DCHS1: variants seen among roughly 807,000 people sequenced by gnomAD.
DCHS1 encodes dachsous cadherin-related 1.
A neutral mutation model predicts 213.9 loss-of-function variants in DCHS1; 78 were observed. The ratio of observed to expected loss-of-function variants is 0.36; its 90% CI spans 0.30 to 0.44. The LOEUF (loss-of-function observed/expected upper bound fraction) is 0.44. DCHS1 is among the 20% of genes least tolerant of loss of function. The pLI is 1.00. For missense variants in DCHS1, 3,946 were observed against 4,395.9 expected, an observed-to-expected ratio of 0.90 and a Z score of 2.89; for synonymous variants, 1,828 against 1,873.7, an observed-to-expected ratio of 0.98 and a Z score of 0.63.
At position 6,622,398 on chromosome 11, in the gene DCHS1, C is replaced by T. The variant is rs753793379; in HGVS notation, c.9278G>A (p.Arg3093Gln). 70 of 1,556,826 alleles carry T rather than the reference C, an allele frequency of 4.5e-5. No homozygotes were observed. Among genetic ancestry groups the T allele is most frequent in the Non-Finnish European group, 5.6e-5 (64 of 1,149,428 alleles). The change falls in exon 21 of 21, where the codon CGA (arginine) becomes CAA (glutamine). Residue 3093 changes from arginine to glutamine, a missense_variant. Transcript: ENST00000299441. The surrounding 1 kb of genome is among the most constrained non-coding windows in gnomAD (Gnocchi z 5.4). ...ACCTGGCAGCAGCAGCCCTGCCTTT[C>T]GGCCCTTATACCAGGTGTCAGGGGC... ...PPAPDTWYKG[R>Q]KAGLLLPGAG...
chr11:6,629,594 T>TGGA lies in DCHS1; in HGVS notation c.5036-20_5036-18dup. The TGGA allele has an allele frequency of 6.2e-7, 1 of 1,613,560 alleles. No homozygotes were observed. On this transcript the variant is annotated splice_polypyrimidine_tract_variant and intron_variant, in intron 11 of 20. Coordinates refer to ENST00000299441, the MANE Select transcript of DCHS1 (RefSeq NM_003737.4). ...CGTTGGCCCCTGAGGAGGGGCAGCA[T>TGGA]GGAGGGCGATCAGAGGGTAAAAATG...
intron 2 of DCHS1, among the ~76,000 whole-genome samples, chr11:6,638,410 G>A (rs1856018365): frequency 6.6e-6 from 1 of 152,138 alleles, no homozygotes; most frequent in Admixed American, 6.5e-5. Context: ...TTGAATTTGT[G>A]ACCTGGCTCC....
At chr11:6,654,102 A>G (rs940999388) in intron 1 of DCHS1, among the ~76,000 whole-genome samples, 1 of 152,172 alleles carries the variant, frequency 6.6e-6, no homozygotes, top group Non-Finnish European at 1.5e-5. Context: ...TCAGGGAACA[A>G]GAGGGTATAC....
rs771413047 is a variant in DCHS1, at chr11:6,628,645, C to T, written c.5347G>A (p.Gly1783Arg). The change falls in exon 13 of 21, where the codon GGG (glycine) becomes AGG (arginine). Residue 1783 changes from glycine (G) to arginine (R), a missense_variant. Physicochemically the swap from Gly to Arg is moderately radical, Grantham distance 125. Around this residue, in one of 3 missense-constraint regions of DCHS1, gnomAD observed 3,384 missense variants for 3,780.1 expected, o/e 0.90. Transcript: ENST00000299441. This position sits in a 1 kb window ranked among gnomAD's most constrained non-coding sequence, Gnocchi z 4.3. ...CCTAGGATGCGGTACTGCAACTGCC[C>T]ATTGGCTCCCACATCTGGATCAGAG... Reference protein sequence around the residue: ...RASDPDVGANGQLQYRILDGD... With the variant: ...RASDPDVGANRQLQYRILDGD... 4 of 1,614,034 alleles carry T rather than the reference C, an allele frequency of 2.5e-6. No homozygotes were observed. The highest frequency in any genetic ancestry group is 3.4e-6 in the Non-Finnish European group (4 of 1,179,898).
Position 6,630,339 on chromosome 11 carries a change from C to A in DCHS1, c.4455G>T (p.Ala1485=), listed in dbSNP as rs1855880862. The change falls in exon 10 of 21, where the codon GCG becomes GCT. Residue 1485 remains alanine, a synonymous_variant. Transcript: ENST00000299441. The part of the protein sequence containing the change: ...RLLRQEPPVP[A]LRLDARTGAL... ...CCCCGGTGCGCGCGTCCAGGCGAAG[C>A]GCCGGCACGGGCGGCTCCTGGCGCA... 3 of 1,312,424 alleles carry A rather than the reference C, an allele frequency of 2.3e-6. No individual in the cohort carries two copies. The South Asian group carries it at 5.5e-5, about 24-fold the overall frequency. The allele number at this position is 1,312,424 out of a possible 1,614,324, so 81.3% of individuals were successfully genotyped here. A position where few individuals can be genotyped will look rare whatever the true frequency, so the allele number is the denominator to read the frequency against.
At chr11:6,649,106 T>C (rs1401045206) in intron 1 of DCHS1, among the ~76,000 whole-genome samples, 1 of 151,916 alleles carries the variant, frequency 6.6e-6, no homozygotes, top group African/African-American at 2.4e-5. Flanking sequence ...GCTGCTGCTG[T>C]TGTGTGCCAC....
chr11:6,651,251 A>G (rs1221325604), intron 1 of DCHS1, among the ~76,000 whole-genome samples: 2 of 152,200 alleles, frequency 1.3e-5, no homozygotes, highest in Admixed American at 6.5e-5. Context: ...TGAGGAAGGG[A>G]AGGGATAAGC....
Position 6,622,806 on chromosome 11 carries a change from A to G in DCHS1, c.8870T>C (p.Val2957Ala). Residue 2957 changes from valine to alanine, a missense_variant, in exon 21 of 21, where the codon GTC becomes GCC. Val to Ala is a moderately conservative substitution (Grantham distance 64). Transcript: ENST00000299441. This position sits in a 1 kb window ranked among gnomAD's most constrained non-coding sequence, Gnocchi z 5.4. Reference sequence around the variant, plus strand: ...GCTACGGGCCCGAACAAGTCCTAGGACCAGGGCTGCCAGTGCAAGCACCAC... The same window carrying G: ...GCTACGGGCCCGAACAAGTCCTAGGGCCAGGGCTGCCAGTGCAAGCACCAC... ...VVVVLALAAL[V>A]LGLVRARSRK... 2 of 1,593,418 alleles carry G rather than the reference A, an allele frequency of 1.3e-6. No homozygotes were observed. Among genetic ancestry groups the G allele is most frequent in the Non-Finnish European group, 1.7e-6 (2 of 1,170,362 alleles).
rs768426007 is a variant in DCHS1, at chr11:6,622,328, G to A, written c.9348C>T (p.Ala3116=). 4 of 1,603,966 alleles carry A rather than the reference G, an allele frequency of 2.5e-6. No homozygotes were observed. In the East Asian group the frequency reaches 6.7e-5, roughly 27 times the overall value. ...LYREEGPPAT[A]TAFLGGCGLS... ...GGCCACAGCCCCCCAGGAAGGCTGT[G>A]GCAGTGGCTGGGGGCCCCTCCTCTC... The change falls in exon 21 of 21, where the codon GCC becomes GCT. Residue 3116 remains alanine (A), a synonymous_variant. Coordinates refer to ENST00000299441, the MANE Select transcript of DCHS1 (RefSeq NM_003737.4). This position sits in a 1 kb window ranked among gnomAD's most constrained non-coding sequence, Gnocchi z 5.4.
At position 6,628,236 on chromosome 11, in the gene DCHS1, G is replaced by A. The variant is rs554719141; in HGVS notation, c.5371+385C>T. ...GGCAAGCTGTATACTTCATTGGCTTGTTTCACAATCATATTTTAACATCAT... is the reference window on the plus strand; with the variant it reads ...GGCAAGCTGTATACTTCATTGGCTTATTTCACAATCATATTTTAACATCAT... On this transcript the variant is annotated intron_variant, in intron 13 of 20. Transcript: ENST00000299441. This position sits in a 1 kb window ranked among gnomAD's most constrained non-coding sequence, Gnocchi z 4.3. Among the ~76,000 whole-genome samples, 3 of 152,294 alleles carry A rather than the reference G, an allele frequency of 2.0e-5. No individual in the cohort carries two copies. Among genetic ancestry groups the A allele is most frequent in the African/African-American group, 7.2e-5 (3 of 41,562 alleles).
Position 6,628,779 on chromosome 11 carries a change from C to A in DCHS1, c.5213G>T (p.Arg1738Leu). The change falls in exon 13 of 21, where the codon CGA (arginine) becomes CTA (leucine). Residue 1738 changes from arginine to leucine, a missense_variant. Transcript: ENST00000299441. This position sits in a 1 kb window ranked among gnomAD's most constrained non-coding sequence, Gnocchi z 4.3. Reference sequence around the variant, plus strand: ...GTCATTCTCATCCTCCACAGCCACTCGAACAGTGACATGCGTTAACTGAGG... The same window carrying A: ...GTCATTCTCATCCTCCACAGCCACTAGAACAGTGACATGCGTTAACTGAGG... ...SPPQLTHVTV[R>L]VAVEDENDHA... The A allele has an allele frequency of 6.2e-7, 1 of 1,613,962 alleles. No homozygotes were observed. The highest frequency in any genetic ancestry group is 8.5e-7 in the Non-Finnish European group (1 of 1,179,876).
Position 6,628,943 on chromosome 11 carries a change from T to G in DCHS1, c.5162-113A>C. The stretch of plus-strand genomic sequence containing the variant: ...GTGCACACAAACCAGAAAATGTCCA[T>G]CTCTCCATACCTCTCAGGCACACAT... On this transcript the variant is annotated intron_variant, in intron 12 of 20. Coordinates refer to ENST00000299441, the MANE Select transcript of DCHS1 (RefSeq NM_003737.4). This position sits in a 1 kb window ranked among gnomAD's most constrained non-coding sequence, Gnocchi z 4.3. 9.0e-7 allele frequency: 1 copy of G among 1,115,634 alleles called. No homozygotes were observed. The highest frequency in any genetic ancestry group is 2.0e-5 in the Admixed American group (1 of 50,026). 69.1% of individuals were successfully genotyped at this position (1,115,634 alleles called of 1,614,324 possible). A position where few individuals can be genotyped will look rare whatever the true frequency, so the allele number is the denominator to read the frequency against.
In DCHS1 at chr11:6,632,151, C is replaced by G. The variant is rs759226020; in HGVS notation, c.3361G>C (p.Gly1121Arg). ...GCAAAGACTCGGCCCACGCTGGTCCCTGGGGGCTGGTTCTCAGCCACAGCC... is the reference window on the plus strand; with the variant it reads ...GCAAAGACTCGGCCCACGCTGGTCCGTGGGGGCTGGTTCTCAGCCACAGCC... ...FLAVAENQPP[G>R]TSVGRVFATD... The change falls in exon 6 of 21, where the codon GGG (glycine) becomes CGG (arginine). Residue 1121 changes from glycine (G) to arginine (R), a missense_variant. Physicochemically the swap from Gly to Arg is moderately radical, Grantham distance 125. Around this residue, in one of 3 missense-constraint regions of DCHS1, gnomAD observed 3,384 missense variants for 3,780.1 expected, o/e 0.90. Transcript: ENST00000299441. The surrounding 1 kb of genome is among the most constrained non-coding windows in gnomAD (Gnocchi z 5.9). 1.4e-5 allele frequency: 23 copies of G among 1,591,856 alleles called. No individual in the cohort carries two copies. Among genetic ancestry groups the G allele is most frequent in the Non-Finnish European group, 1.9e-5 (22 of 1,165,854 alleles).
At position 6,626,099 on chromosome 11, in the gene DCHS1, G is replaced by C. The variant is rs745443104; in HGVS notation, c.6577-25C>G. 1.2e-6 allele frequency: 2 copies of C among 1,602,002 alleles called. No individual in the cohort carries two copies. Among genetic ancestry groups the C allele is most frequent in the Non-Finnish European group, 1.7e-6 (2 of 1,174,324 alleles). On this transcript the variant is annotated intron_variant, in intron 16 of 20. Coordinates refer to ENST00000299441, the MANE Select transcript of DCHS1 (RefSeq NM_003737.4). This position sits in a 1 kb window ranked among gnomAD's most constrained non-coding sequence, Gnocchi z 5.2. ...CCTGGTGAGGGTAGGAGGCTGCTGG[G>C]ACTGGTCTGGCCACAGACAAGTCTG...
intron 1 of DCHS1, among the ~76,000 whole-genome samples, chr11:6,644,867 T>C (rs1316453779): frequency 6.6e-6 from 1 of 152,222 alleles, no homozygotes; most frequent in Admixed American, 6.5e-5. Flanking sequence ...CTCAGGTCTT[T>C]ACAGATTTGC....
Position 6,630,242 on chromosome 11 carries a change from G to A in DCHS1, c.4552C>T (p.Arg1518Trp), listed in dbSNP as rs756570525. 41 of 1,548,522 alleles carry A rather than the reference G, an allele frequency of 2.6e-5. No individual in the cohort carries two copies. Among genetic ancestry groups the A allele is most frequent in the Non-Finnish European group, 3.2e-5 (37 of 1,150,108 alleles). ...ALLLLVEATDRPANASRRRAA... is the reference protein window; with the variant it reads ...ALLLLVEATDWPANASRRRAA... ...CGACGGCGGCTGGCGTTGGCGGGCC[G>A]GTCGGTGGCTTCCACCAGCAGCAGC... Residue 1518 changes from arginine to tryptophan, a missense_variant, in exon 10 of 21, where the codon CGG becomes TGG. By Grantham distance (101) the Arg-to-Trp change is moderately radical. Coordinates refer to ENST00000299441, the MANE Select transcript of DCHS1 (RefSeq NM_003737.4).
rs1855752529 is a variant in DCHS1 at position 6,624,144 on chromosome 11, C to T, written c.7532G>A (p.Gly2511Glu). 6.2e-7 allele frequency: 1 copy of T among 1,612,134 alleles called. No homozygotes were observed. Among genetic ancestry groups the T allele is most frequent in the African/African-American group, 1.3e-5 (1 of 75,052 alleles). The stretch of plus-strand genomic sequence containing the variant: ...GTCCACAGCGGCATGGCTGCGGCTT[C>T]CATCAGCATCTGTAGCCTCCAGGGT... ...LLTLEATDAD[G>E]SRSHAAVDYS... The change falls in exon 21 of 21, where the codon GGA becomes GAA. Residue 2511 changes from glycine to glutamate, a missense_variant. Physicochemically the swap from Gly to Glu is moderately conservative, Grantham distance 98 (BLOSUM62 -2). Transcript: ENST00000299441.
rs1165218550 is a variant in DCHS1, at chr11:6,632,640, G to A, written c.2872C>T (p.Pro958Ser). The A allele has an allele frequency of 1.9e-6, 3 of 1,554,424 alleles. No individual in the cohort carries two copies. Among genetic ancestry groups the A allele is most frequent in the Admixed American group, 3.8e-5 (2 of 52,046 alleles). ...AGCTCATGGGCTGGCCCTCCTGAGG[G>A]CCCCAGAGGCCTCATAAGCCGTACA... ...GHVRLMRPLG[P>S]SGGPAHELEL... is the part of the protein sequence containing the mutation. Residue 958 changes from proline to serine, a missense_variant, in exon 6 of 21, where the codon CCC (proline) becomes TCC (serine). Physicochemically the swap from Pro to Ser is moderately conservative, Grantham distance 74. Transcript: ENST00000299441. The surrounding 1 kb of genome is among the most constrained non-coding windows in gnomAD (Gnocchi z 5.9).
At position 6,627,067 on chromosome 11, in the gene DCHS1, C is replaced by T. The variant is rs145725245; in HGVS notation, c.5972G>A (p.Arg1991His). The change falls in exon 14 of 21, where the codon CGT (arginine) becomes CAT (histidine). Residue 1991 changes from arginine to histidine, a missense_variant. Physicochemically the swap from Arg to His is conservative, Grantham distance 29. Around this residue, in one of 3 missense-constraint regions of DCHS1, gnomAD observed 3,384 missense variants for 3,780.1 expected, o/e 0.90. Transcript: ENST00000299441. The surrounding 1 kb of genome is among the most constrained non-coding windows in gnomAD (Gnocchi z 5.4). ...LALATLRAED[R>H]DAGANASILY... ...AATGGAAGCATTGGCACCAGCATCACGATCTTCAGCTCTCAGTGTGGCCAG... is the reference window on the plus strand; with the variant it reads ...AATGGAAGCATTGGCACCAGCATCATGATCTTCAGCTCTCAGTGTGGCCAG... 722 of 1,613,380 alleles carry T rather than the reference C, an allele frequency of 4.5e-4. 1 individual carries two copies. Among genetic ancestry groups the T allele is most frequent in the Non-Finnish European group, 5.7e-4 (670 of 1,179,784 alleles).
Sources: allele counts gnomAD v4.1 joint callset (sites outside exome capture counted in the v4.1 genomes callset), GRCh38; gene constraint gnomAD v4.1.1; regional missense constraint gnomAD v4.1.1; non-coding constraint Gnocchi (gnomAD v3.1); transcripts MANE v1.5; gene names NCBI Gene and HGNC (gene_info 2026-07-23, HGNC 2026-07-21).